Variants in NOS3 observed in about 807,000 individuals in gnomAD.
NOS3 encodes nitric oxide synthase 3.
NOS3 carries 98 observed loss-of-function variants against 144.9 expected under a neutral mutation model. That is an observed-to-expected ratio of 0.68 (90% CI 0.57 to 0.80). NOS3 has a LOEUF of 0.80. Ranked by LOEUF, NOS3 falls within the 30% of genes least tolerant of loss-of-function variation. NOS3 has a pLI of 0.00. For synonymous variants in NOS3, 714 were observed against 702.4 expected, an observed-to-expected ratio of 1.02 and a Z score of -0.26; for missense variants, 1,465 against 1,656.4, an observed-to-expected ratio of 0.88 and a Z score of 2.01.
chr7:151,011,793 G>A, intron 23 of NOS3: 1 of 429,794 alleles, frequency 2.3e-6, no homozygotes, highest in Non-Finnish European at 4.7e-6. Flanking sequence ...CAAAGTCTTG[G>A]GATTACAGGT....
intron 17 of NOS3, among the ~76,000 whole-genome samples, chr7:151,008,128 T>A (rs541104592): frequency 5.9e-5 from 9 of 151,998 alleles, no homozygotes; most frequent in Non-Finnish European, 1.3e-4. Flanking sequence ...GTTTTGGGAA[T>A]AGGACTTTAG....
In NOS3 at chr7:150,999,380, G is replaced by A. The variant is rs1450333230; in HGVS notation, c.1131+16G>A. On this transcript the variant is annotated intron_variant, in intron 9 of 26. Coordinates refer to ENST00000297494, the MANE Select transcript of NOS3 (RefSeq NM_000603.5). Reference sequence around the variant, plus strand: ...CATCCTGGAGGTGAGGTGCGGGATGGGGCTCGGGCACCGAATGCACCTGTC... The same window carrying A: ...CATCCTGGAGGTGAGGTGCGGGATGAGGCTCGGGCACCGAATGCACCTGTC... 1 of 1,548,524 alleles carries A rather than the reference G, an allele frequency of 6.5e-7. No individual in the cohort carries two copies. Among genetic ancestry groups the A allele is most frequent in the African/African-American group, 1.4e-5 (1 of 72,906 alleles).
At chr7:150,996,658 TG>T in intron 4 of NOS3, 104 bp from the exon 5 acceptor site, 1 of 1,485,408 alleles carries the variant, frequency 6.7e-7, no homozygotes, top group Non-Finnish European at 9.2e-7. Context: ...TAACACCACG[TG>T]GGCCCCTCCC....
At position 151,009,082 on chromosome 7, in the gene NOS3, T is replaced by A. The variant is rs755321855; in HGVS notation, c.2245+20T>A. On this transcript the variant is annotated intron_variant, in intron 18 of 26. Transcript: ENST00000297494. The stretch of plus-strand genomic sequence containing the variant: ...TGCCAGGTGGGCCCTGCCCTCACCC[T>A]AACCCGGCTGGTTCTCTGAGGCCCC... 1 of 1,612,816 alleles carries A rather than the reference T, an allele frequency of 6.2e-7. No individual in the cohort carries two copies. Among genetic ancestry groups the A allele is most frequent in the Non-Finnish European group, 8.5e-7 (1 of 1,179,588 alleles).
intron 24 of NOS3, chr7:151,012,735 T>G: frequency 2.4e-6 from 1 of 408,888 alleles, no homozygotes; most frequent in South Asian, 3.6e-5. Flanking sequence ...GGATTAGGGC[T>G]AAGACTCAAA....
In NOS3 at chr7:150,995,320, G is replaced by A. The variant is rs779202699; in HGVS notation, c.270+6G>A. On this transcript the variant is annotated splice_donor_region_variant and intron_variant, in intron 3 of 26. Coordinates refer to ENST00000297494, the MANE Select transcript of NOS3 (RefSeq NM_000603.5). ...TCAGCGCCCAGGCGCAGCAGGTAAG[G>A]CCGGCATGCCCTGTCCCCATCGTCT... 1.0e-5 allele frequency: 16 copies of A among 1,594,744 alleles called. No homozygotes were observed. The highest frequency in any genetic ancestry group is 1.4e-5 in the Non-Finnish European group (16 of 1,164,516).
In NOS3 at chr7:150,996,750, C is replaced by G; in HGVS notation, c.420-13C>G. ...CTTCCTGCTTGTCCCCTTCCCACCC[C>G]TCTCCTCCCCAGGAGCGGCTCCCAG... On this transcript the variant is annotated splice_polypyrimidine_tract_variant and intron_variant, in intron 4 of 26. Coordinates refer to ENST00000297494, the MANE Select transcript of NOS3 (RefSeq NM_000603.5). The G allele has an allele frequency of 1.2e-6, 2 of 1,611,282 alleles. No homozygotes were observed. Among genetic ancestry groups the G allele is most frequent in the Non-Finnish European group, 8.5e-7 (1 of 1,179,442 alleles).
At chr7:151,006,005 G>A (rs1795200023) in intron 14 of NOS3, among the ~76,000 whole-genome samples, 2 of 152,184 alleles carry the variant, frequency 1.3e-5, no homozygotes. Flanking sequence ...CTGGGCGACA[G>A]AGCAAGACCC....
Position 151,009,054 on chromosome 7 carries a change from T to G in NOS3, c.2237T>G (p.Leu746Trp). The G allele has an allele frequency of 6.2e-7, 1 of 1,612,804 alleles. No homozygotes were observed. The highest frequency in any genetic ancestry group is 1.1e-5 in the South Asian group (1 of 90,976). ...AGCGCCCAGGCCGAGGGCCTGCAGT[T>G]GCTGCCAGGTGGGCCCTGCCCTCAC... ...RLSAQAEGLQ[L>W]LPGLIHVHRR... The change falls in exon 18 of 27, where the codon TTG becomes TGG. Residue 746 changes from leucine (L) to tryptophan (W), a missense_variant. Coordinates refer to ENST00000297494, the MANE Select transcript of NOS3 (RefSeq NM_000603.5).
Position 151,010,972 on chromosome 7 carries a change from C to T in NOS3, c.2970C>T (p.Pro990=), listed in dbSNP as rs142410645. Residue 990 remains proline (P), a synonymous_variant, in exon 23 of 27, where the codon CCC becomes CCT. Coordinates refer to ENST00000297494, the MANE Select transcript of NOS3 (RefSeq NM_000603.5). ...AGCTCAAGCCCGGAGACCCTGTGCCCTGCTTCATCCGGGGGTAAGTGAGAT... is the reference window on the plus strand; with the variant it reads ...AGCTCAAGCCCGGAGACCCTGTGCCTTGCTTCATCCGGGGGTAAGTGAGAT... The part of the protein sequence containing the change: ...LSQLKPGDPV[P]CFIRGAPSFR... 2.5e-5 allele frequency: 41 copies of T among 1,613,318 alleles called. No individual in the cohort carries two copies. In the African/African-American group the frequency reaches 4.3e-4, roughly 17 times the overall value.
At position 150,994,067 on chromosome 7, in the gene NOS3, G is replaced by T; in HGVS notation, c.158+106G>T. 3 of 1,236,572 alleles carry T rather than the reference G, an allele frequency of 2.4e-6. No individual in the cohort carries two copies. The South Asian group carries it at 4.0e-5, about 17-fold the overall frequency. The allele number at this position is 1,236,572 out of a possible 1,614,324, so 76.6% of individuals were successfully genotyped here. A position where few individuals can be genotyped will look rare whatever the true frequency, so the allele number is the denominator to read the frequency against. ...CTTGTAGCTGAGTCGGGAGGGCCAG[G>T]TCACAAATGCAAAAGGGCTATTAAT... is the stretch of plus-strand genomic sequence containing the variant. On this transcript the variant is annotated intron_variant, in intron 2 of 26. Coordinates refer to ENST00000297494, the MANE Select transcript of NOS3 (RefSeq NM_000603.5).
At position 150,999,331 on chromosome 7, in the gene NOS3, C is replaced by G. The variant is rs1345105436; in HGVS notation, c.1098C>G (p.Asn366Lys). The G allele has an allele frequency of 1.3e-6, 2 of 1,597,868 alleles. No individual in the cohort carries two copies. Among genetic ancestry groups the G allele is most frequent in the Admixed American group, 1.7e-5 (1 of 57,688 alleles). ...WYMSTEIGTR[N>K]LCDPHRYNIL... Reference sequence around the variant, plus strand: ...TGAGCACTGAGATCGGCACGAGGAACCTGTGTGACCCTCACCGCTACAACA... The same window carrying G: ...TGAGCACTGAGATCGGCACGAGGAAGCTGTGTGACCCTCACCGCTACAACA... The change falls in exon 9 of 27, where the codon AAC becomes AAG. Residue 366 changes from asparagine to lysine, a missense_variant. Physicochemically the swap from Asn to Lys is moderately conservative, Grantham distance 94. Transcript: ENST00000297494.
rs200491007 is a variant in NOS3, at chr7:151,006,422, G to T, written c.1753-5G>T. ...TAACCCTGATGCAAACACTCCCCTC[G>T]CCAGAGCTTTGCAGCTGCCCTGATG... On this transcript the variant is annotated splice_region_variant and splice_polypyrimidine_tract_variant and intron_variant, in intron 14 of 26. Coordinates refer to ENST00000297494, the MANE Select transcript of NOS3 (RefSeq NM_000603.5). 4 of 1,613,300 alleles carry T rather than the reference G, an allele frequency of 2.5e-6. No individual in the cohort carries two copies. In the African/African-American group the frequency reaches 4.0e-5, roughly 16 times the overall value.
At chr7:151,012,208 G>GTTGTGTT in intron 23 of NOS3, 143 bp from the exon 24 acceptor site, 1 of 658,374 alleles carries the variant, frequency 1.5e-6, no homozygotes, top group South Asian at 2.4e-5. Context: ...AGCAAGTAGA[G>GTTGTGTT]TTGTTTTTTG....
Position 151,010,824 on chromosome 7 carries a change from G to A in NOS3, c.2896+17G>A. On this transcript the variant is annotated intron_variant, in intron 22 of 26. Transcript: ENST00000297494. ...GGACTCAGGGTGAGGCAACAAGCAG[G>A]AGCAGGCCTGGCCACAGCAGGGTTG... The A allele has an allele frequency of 6.2e-7, 1 of 1,608,082 alleles. No homozygotes were observed.
Position 150,998,979 on chromosome 7 carries a change from G to A in NOS3, c.850G>A (p.Gly284Ser), listed in dbSNP as rs139184126. 1.7e-4 allele frequency: 282 copies of A among 1,612,440 alleles called. No homozygotes were observed. Among genetic ancestry groups the A allele is most frequent in the Middle Eastern group, 1.2e-3 (7 of 6,072 alleles). Residue 284 changes from glycine to serine, a missense_variant, in exon 8 of 27, where the codon GGT becomes AGT. Physicochemically the swap from Gly to Ser is moderately conservative, Grantham distance 56. Around this residue, in one of 5 missense-constraint regions of NOS3, gnomAD observed 12 missense variants for 30.1 expected, o/e 0.40. Transcript: ENST00000297494. This position sits in a 1 kb window ranked among gnomAD's most constrained non-coding sequence, Gnocchi z 5.0. ...CIQHGWTPGN[G>S]RFDVLPLLLQ... ...TCAGCACGGCTGGACCCCAGGAAAC[G>A]GTCGCTTCGACGTGCTGCCCCTGCT...
At position 151,010,580 on chromosome 7, in the gene NOS3, G is replaced by A. The variant is rs1584912052; in HGVS notation, c.2686-17G>A. ...AGGGCTATGGGGCCTCCAACCCACT[G>A]CATCCTGCCCCGCCAGGATCCCCGA... is the stretch of plus-strand genomic sequence containing the variant. On this transcript the variant is annotated splice_polypyrimidine_tract_variant and intron_variant, in intron 21 of 26. Coordinates refer to ENST00000297494, the MANE Select transcript of NOS3 (RefSeq NM_000603.5). The A allele has an allele frequency of 6.5e-7, 1 of 1,549,988 alleles. No individual in the cohort carries two copies. Among genetic ancestry groups the A allele is most frequent in the Non-Finnish European group, 8.7e-7 (1 of 1,146,328 alleles).
chr7:151,003,459 ACC>A lies in NOS3; in HGVS notation c.1752+1157_1752+1158del. 1.6e-6 allele frequency: 2 copies of A among 1,218,002 alleles called. No homozygotes were observed. Among genetic ancestry groups the A allele is most frequent in the South Asian group, 3.0e-5 (2 of 67,630 alleles). 75.4% of individuals were successfully genotyped at this position (1,218,002 alleles called of 1,614,324 possible). A position where few individuals can be genotyped will look rare whatever the true frequency, so the allele number is the denominator to read the frequency against. On this transcript the variant is annotated intron_variant, in intron 14 of 26. Transcript: ENST00000297494. This position sits in a 1 kb window ranked among gnomAD's most constrained non-coding sequence, Gnocchi z 4.1. Reference sequence around the variant, plus strand: ...CTTAAGCAAGTTGGAATCTCGTGAAACCCTTTTTGCTGCCTTAGTGTCCGTTT... The same window carrying A: ...CTTAAGCAAGTTGGAATCTCGTGAAACTTTTTGCTGCCTTAGTGTCCGTTT...
chr7:151,013,572 T>G, intron 25 of NOS3, 152 bp from the exon 26 acceptor site: 3 of 288,932 alleles, frequency 1.0e-5, no homozygotes, highest in Non-Finnish European at 1.4e-5. Flanking sequence ...GCCCCGCCCC[T>G]TTGGCTCTGC....
Sources: gnomAD v4.1 joint callset for allele counts (sites outside exome capture counted in the v4.1 genomes callset) on GRCh38, gnomAD v4.1.1 for gene constraint, gnomAD v4.1.1 regional missense constraint, Gnocchi (gnomAD v3.1) non-coding constraint, MANE v1.5 for transcripts, NCBI Gene and HGNC (gene_info 2026-07-23, HGNC 2026-07-21) for gene names.